AKAP13: variants seen among roughly 807,000 people sequenced by gnomAD.
The protein encoded by AKAP13 is A-kinase anchoring protein 13.
AKAP13 carries 80 observed loss-of-function variants against 264.5 expected under a neutral mutation model. The observed-to-expected ratio is 0.30, with a 90% CI of 0.25 to 0.36. The LOEUF is 0.36. AKAP13 is among the 10% of genes least tolerant of loss of function. The pLI is 1.00. For missense variants in AKAP13, 3,712 were observed against 3,435.2 expected, an observed-to-expected ratio of 1.08 and a Z score of -2.01; for synonymous variants, 1,380 against 1,250.2, an observed-to-expected ratio of 1.10 and a Z score of -2.19.
chr15:85,383,133 TCCTCCCACCTCAG>T lies in AKAP13; in HGVS notation c.-12+2344_-12+2356del, dbSNP rs1286890543. Among the ~76,000 whole-genome samples the T allele has an allele frequency of 3.3e-5, 5 of 152,014 alleles. No individual in the cohort carries two copies. In the East Asian group the frequency reaches 9.7e-4, roughly 29 times the overall value. On this transcript the variant is annotated intron_variant, in intron 1 of 36. Transcript: ENST00000394518. ...GTCTCTAACTCCTGGACCCAAGCCA[TCCTCCCACCTCAG>T]CCTCCCACAGTGTTGGAATTACAGA...
At chr15:85,582,887 A>G in intron 7 of AKAP13, 7 of 985,508 alleles carry the variant, frequency 7.1e-6, no homozygotes, top group Non-Finnish European at 8.4e-6. Context: ...ATCTTGGTGA[A>G]GCAGCTGCAC....
rs2082526468 is a variant in AKAP13, at chr15:85,645,704, TGA to T, written c.4238-105_4238-104del. 1.4e-5 allele frequency: 15 copies of T among 1,108,576 alleles called. No homozygotes were observed. The South Asian group carries it at 2.2e-4, about 16-fold the overall frequency. The allele number at this position is 1,108,576 out of a possible 1,614,324, so 68.7% of individuals were successfully genotyped here. A position where few individuals can be genotyped will look rare whatever the true frequency, so the allele number is the denominator to read the frequency against. ...TAAGGAGGGAAGGAAGAGAAAAGAG[TGA>T]GAGAGAGATTTAAAAGACTGGTTGC... On this transcript the variant is annotated intron_variant, in intron 9 of 36. Coordinates refer to ENST00000394518, the MANE Select transcript of AKAP13 (RefSeq NM_007200.5).
At chr15:85,577,477 A>T (rs1421350009) in intron 6 of AKAP13, among the ~76,000 whole-genome samples, 1 of 152,254 alleles carries the variant, frequency 6.6e-6, no homozygotes, top group Non-Finnish European at 1.5e-5. Context: ...TGCTGCATGC[A>T]CATGGGATTT....
intron 1 of AKAP13, among the ~76,000 whole-genome samples, chr15:85,403,319 G>A (rs952103653): frequency 5.3e-5 from 8 of 152,204 alleles, no homozygotes; most frequent in African/African-American, 1.9e-4. Context: ...ATTTACCATG[G>A]TGGTACCTAA....
chr15:85,485,542 G>T (rs1596314372), intron 1 of AKAP13, among the ~76,000 whole-genome samples, 168 bp from the exon 2 acceptor site: 1 of 152,084 alleles, frequency 6.6e-6, no homozygotes, highest in Non-Finnish European at 1.5e-5. Context: ...TCCTGACCCC[G>T]CTTCCTTCCT....
In AKAP13 at chr15:85,579,889, A is replaced by C; in HGVS notation, c.1821A>C (p.Leu607Phe). Residue 607 changes from leucine to phenylalanine, a missense_variant, in exon 7 of 37, where the codon TTA becomes TTC. Physicochemically the swap from Leu to Phe is conservative, Grantham distance 22. This residue lies in a region of AKAP13 where 2,759 missense variants were observed against 2,411.7 expected (regional missense o/e 1.14). Transcript: ENST00000394518. ...ATGGATTAGAACCTTATACTCTCTTAGCAGCAGGCATAGGTGAGGCAATGT... is the reference window on the plus strand; with the variant it reads ...ATGGATTAGAACCTTATACTCTCTTCGCAGCAGGCATAGGTGAGGCAATGT... ...ISDGLEPYTL[L>F]AAGIGEAMSP... is the part of the protein sequence containing the mutation. 3 of 1,614,236 alleles carry C rather than the reference A, an allele frequency of 1.9e-6. No homozygotes were observed. The highest frequency in any genetic ancestry group is 2.5e-6 in the Non-Finnish European group (3 of 1,180,036).
intron 10 of AKAP13, among the ~76,000 whole-genome samples, chr15:85,652,297 G>C (rs1425382947): frequency 6.6e-6 from 1 of 152,174 alleles, no homozygotes; most frequent in Non-Finnish European, 1.5e-5. Context: ...CAGAGAGATA[G>C]CAGGCCTTTT....
chr15:85,439,722 A>G (rs2073533307), intron 1 of AKAP13, among the ~76,000 whole-genome samples: 1 of 145,566 alleles, frequency 6.9e-6, no homozygotes, highest in Admixed American at 6.9e-5. Flanking sequence ...TCGCAAGAAC[A>G]AAAAACCAAA....
chr15:85,542,863 T>C (rs1001020555), intron 4 of AKAP13, among the ~76,000 whole-genome samples: 3 of 152,224 alleles, frequency 2.0e-5, no homozygotes, highest in African/African-American at 7.2e-5. Context: ...AATACTAGCA[T>C]TTCATCTACC....
chr15:85,421,373 C>T (rs187422272), intron 1 of AKAP13, among the ~76,000 whole-genome samples: 1 of 152,218 alleles, frequency 6.6e-6, no homozygotes, highest in Non-Finnish European at 1.5e-5. Flanking sequence ...TTCTCCCTCT[C>T]TGGTTATTTG....
chr15:85,550,900 TTATTGAA>T (rs924454232), intron 5 of AKAP13, among the ~76,000 whole-genome samples: 17 of 152,144 alleles, frequency 1.1e-4, no homozygotes, highest in African/African-American at 4.1e-4. Flanking sequence ...AGACTAACAT[TTATTGAA>T]TATTGAATAC....
At chr15:85,717,743 C>G (rs1410931129) in intron 21 of AKAP13, among the ~76,000 whole-genome samples, 1 of 152,210 alleles carries the variant, frequency 6.6e-6, no homozygotes, top group Non-Finnish European at 1.5e-5. Context: ...CCTTCCAATT[C>G]TTAACTTCGT....
rs760996494 is a variant in AKAP13, at chr15:85,669,842, A to T, written c.5101+12A>T. The stretch of plus-strand genomic sequence containing the variant: ...TCCTGGATTGGACAGTGAGTATACT[A>T]CTTTTTAAAAAAATTAAATATATTA... On this transcript the variant is annotated intron_variant, in intron 14 of 36. Coordinates refer to ENST00000394518, the MANE Select transcript of AKAP13 (RefSeq NM_007200.5). 6 of 1,549,264 alleles carry T rather than the reference A, an allele frequency of 3.9e-6. No individual in the cohort carries two copies.
At chr15:85,439,366 TTGG>T (rs2073506265) in intron 1 of AKAP13, among the ~76,000 whole-genome samples, 1 of 151,288 alleles carries the variant, frequency 6.6e-6, no homozygotes, top group Non-Finnish European at 1.5e-5. Context: ...TTTTACACTG[TTGG>T]TGGGACTGTA....
chr15:85,567,477 C>A (rs1412494982), intron 5 of AKAP13, among the ~76,000 whole-genome samples: 3 of 152,092 alleles, frequency 2.0e-5, no homozygotes. Flanking sequence ...TAACCATCAC[C>A]TAAATAATGT....
At chr15:85,477,150 C>A (rs2075191011) in intron 1 of AKAP13, among the ~76,000 whole-genome samples, 1 of 152,002 alleles carries the variant, frequency 6.6e-6, no homozygotes, top group African/African-American at 2.4e-5. Context: ...AAGAACTGTT[C>A]TAAAAGATTA....
chr15:85,643,753 G>C (rs1348305506), intron 9 of AKAP13, among the ~76,000 whole-genome samples: 1 of 152,136 alleles, frequency 6.6e-6, no homozygotes. Flanking sequence ...TTTGCCCCTG[G>C]AACAGTACAG....
intron 1 of AKAP13, among the ~76,000 whole-genome samples, chr15:85,469,322 C>T (rs2074871962): frequency 2.0e-5 from 3 of 151,968 alleles, no homozygotes; most frequent in African/African-American, 7.3e-5. Flanking sequence ...ATAATAGTGC[C>T]TTCTAGAATA....
At chr15:85,623,875 TGAAA>T (rs761008476) in intron 8 of AKAP13, among the ~76,000 whole-genome samples, 1 of 152,254 alleles carries the variant, frequency 6.6e-6, no homozygotes, top group Non-Finnish European at 1.5e-5. Context: ...AAATGGGATA[TGAAA>T]GAATTGTAAT....
Sources: gnomAD v4.1 joint callset for allele counts (sites outside exome capture counted in the v4.1 genomes callset) on GRCh38, gnomAD v4.1.1 for gene constraint, gnomAD v4.1.1 regional missense constraint, MANE v1.5 for transcripts, NCBI Gene and HGNC (gene_info 2026-07-23, HGNC 2026-07-21) for gene names.